TMPRSS15: variants seen among roughly 807,000 people sequenced by gnomAD.
TMPRSS15 encodes the protein enteropeptidase.
Under a neutral mutation model 125.3 loss-of-function variants are expected in TMPRSS15, and 128 were observed. The ratio of observed to expected loss-of-function variants is 1.02; its 90% CI spans 0.89 to 1.18. TMPRSS15 has a LOEUF of 1.18. Ranked by LOEUF, TMPRSS15 falls within the 50% of genes most tolerant of loss-of-function variation. The pLI, the probability that TMPRSS15 is intolerant of heterozygous loss-of-function variation, is 0.00. For synonymous variants in TMPRSS15, 446 were observed against 423.2 expected (o/e 1.05, Z -0.66); for missense variants, 1,283 against 1,212.7 (o/e 1.06, Z -0.86).
Position 18,297,792 on chromosome 21 carries a change from C to A in TMPRSS15, c.2203G>T (p.Gly735Cys). The change falls in exon 19 of 25, where the codon GGT becomes TGT. Residue 735 changes from glycine to cysteine, a missense_variant. Physicochemically the swap from Gly to Cys is radical, Grantham distance 159. Coordinates refer to ENST00000284885, the MANE Select transcript of TMPRSS15 (RefSeq NM_002772.3). ...GTGTTTAATTTGACAAATGGTCCAC[C>A]ATCGGTAGGGAAGATTGGCTTTGAT... ...NSSKPIFPTDGGPFVKLNTAP... is the reference protein window; with the variant it reads ...NSSKPIFPTDCGPFVKLNTAP... 6.2e-7 allele frequency: 1 copy of A among 1,613,680 alleles called. No individual in the cohort carries two copies. The highest frequency in any genetic ancestry group is 1.1e-5 in the South Asian group (1 of 91,080).
At chr21:18,463,120 C>T (rs190275145) in intron 1 of TMPRSS15, among the ~76,000 whole-genome samples, 248 of 151,516 alleles carry the variant, frequency 1.6e-3, no homozygotes, top group African/African-American at 5.6e-3. Flanking sequence ...AAGACACAGA[C>T]GGGCAATTTG....
rs193062550 is a variant in TMPRSS15, at chr21:18,409,961, A to T, written c.11-11632T>A. ...TTCCTTCCTTCCGTCTTTCCTTCTT[A>T]GGTATATTCACATGTCTTCCACACT... On this transcript the variant is annotated intron_variant, in intron 1 of 7. Coordinates refer to the TMPRSS15 transcript ENST00000422787. Among the ~76,000 whole-genome samples, 117 of 139,900 alleles carry T rather than the reference A, an allele frequency of 8.4e-4. 1 individual carries two copies. In the Middle Eastern group the frequency reaches 0.012, roughly 14 times the overall value. 91.8% of individuals were successfully genotyped at this position (139,900 alleles called of 152,430 possible). A position where few individuals can be genotyped will look rare whatever the true frequency, so the allele number is the denominator to read the frequency against.
chr21:18,448,524 A>T (rs1370308046), intron 1 of TMPRSS15, among the ~76,000 whole-genome samples: 1 of 152,154 alleles, frequency 6.6e-6, no homozygotes, highest in East Asian at 1.9e-4. Flanking sequence ...CACACTATAA[A>T]GATGCATACC....
intron 18 of TMPRSS15, among the ~76,000 whole-genome samples, chr21:18,298,295 C>A (rs1263827662): frequency 6.6e-6 from 1 of 152,074 alleles, no homozygotes; most frequent in Non-Finnish European, 1.5e-5. Context: ...ATGTAGATAA[C>A]AACATAGACA....
Position 18,397,908 on chromosome 21 carries a change from T to C in TMPRSS15, c.315A>G (p.Glu105=), listed in dbSNP as rs2076054667. Residue 105 remains glutamate, a synonymous_variant, in exon 3 of 25, where the codon GAA becomes GAG. Transcript: ENST00000284885. ...ATTGTAAAACTCTTGAGTTCTTATA[T>C]TCATTCTTCAGATTGCTTGATAGAA... ...EIFLSSNLKN[E]YKNSRVLQFE... 1 of 1,552,918 alleles carries C rather than the reference T, an allele frequency of 6.4e-7. No homozygotes were observed. Among genetic ancestry groups the C allele is most frequent in the East Asian group, 2.3e-5 (1 of 44,054 alleles).
chr21:18,350,100 A>T (rs963217954), intron 10 of TMPRSS15, among the ~76,000 whole-genome samples: 2 of 152,116 alleles, frequency 1.3e-5, no homozygotes, highest in African/African-American at 2.4e-5. Flanking sequence ...TAAAGAGAAA[A>T]AAAAAGATCA....
chr21:18,382,296 TA>T (rs1211337418), intron 4 of TMPRSS15, among the ~76,000 whole-genome samples: 2 of 152,156 alleles, frequency 1.3e-5, no homozygotes, highest in Non-Finnish European at 2.9e-5. Context: ...TAATAGCCAG[TA>T]GTAGTTTTCA....
intron 21 of TMPRSS15, among the ~76,000 whole-genome samples, chr21:18,286,846 C>A (rs577263549): frequency 6.6e-6 from 1 of 152,316 alleles, no homozygotes; most frequent in Non-Finnish European, 1.5e-5. Context: ...CTGCCAATCC[C>A]CTTCTGGGCA....
chr21:18,472,980 G>T (rs1978809795), intron 1 of TMPRSS15, among the ~76,000 whole-genome samples: 1 of 152,098 alleles, frequency 6.6e-6, no homozygotes, highest in Non-Finnish European at 1.5e-5. Flanking sequence ...GTTATTGTTT[G>T]TATCCAGATG....
rs1327803984 is a variant in TMPRSS15 at position 18,436,981 on chromosome 21, G to A, written c.11-38652C>T. ...CAGAATTGGAAAAAACTACTTTAAAGTTCATATGGAACCAAAAAAGAGCCC... is the reference window on the plus strand; with the variant it reads ...CAGAATTGGAAAAAACTACTTTAAAATTCATATGGAACCAAAAAAGAGCCC... On this transcript the variant is annotated intron_variant, in intron 1 of 7. Coordinates refer to the TMPRSS15 transcript ENST00000422787. Among the ~76,000 whole-genome samples the A allele has an allele frequency of 7.2e-5, 10 of 139,436 alleles. 2 individuals carry two copies. Among genetic ancestry groups the A allele is most frequent in the African/African-American group, 2.7e-4 (10 of 37,188 alleles). The allele number at this position is 139,436 out of a possible 152,430, so 91.5% of individuals were successfully genotyped here.
chr21:18,309,545 TAACAAATTTACAAGAAAAAAACA>T (rs1156843285), intron 18 of TMPRSS15, among the ~76,000 whole-genome samples: 8 of 151,490 alleles, frequency 5.3e-5, no homozygotes, highest in South Asian at 2.1e-4. Context: ...TACAAAGAAG[TAACAAATTTACAAGAAAAAAACA>T]AACAAATTTA....
rs1004584054 is a variant in TMPRSS15 at position 18,483,536 on chromosome 21, C to A, written c.10+2263G>T. Among the ~76,000 whole-genome samples, 3 of 151,852 alleles carry A rather than the reference C, an allele frequency of 2.0e-5. No individual in the cohort carries two copies. The South Asian group carries it at 6.2e-4, about 32-fold the overall frequency. ...TTACATAGCGTAACATTTTTATTGG[C>A]AAACCTGTAAAATTCCTTTAGAAAA... On this transcript the variant is annotated intron_variant, in intron 1 of 7. Transcript: ENST00000422787.
chr21:18,305,627 A>G (rs904288292), intron 18 of TMPRSS15, among the ~76,000 whole-genome samples: 1 of 152,192 alleles, frequency 6.6e-6, no homozygotes, highest in Non-Finnish European at 1.5e-5. Flanking sequence ...TCTTATGTAT[A>G]ACCAGGCTGT....
At chr21:18,312,824 T>C in intron 18 of TMPRSS15, 121 bp downstream of exon 18, 1 of 1,292,242 alleles carries the variant, frequency 7.7e-7, no homozygotes, top group Middle Eastern at 2.4e-4. Flanking sequence ...TTCTCCCTTT[T>C]GCTAATGTGT....
chr21:18,478,675 G>A (rs1446366969), intron 1 of TMPRSS15, among the ~76,000 whole-genome samples: 1 of 151,860 alleles, frequency 6.6e-6, no homozygotes, highest in Non-Finnish European at 1.5e-5. Context: ...GTCTTCGCTT[G>A]TTTCCTTGTC....
At chr21:18,372,623 T>C (rs1438368695) in intron 5 of TMPRSS15, among the ~76,000 whole-genome samples, 2 of 152,266 alleles carry the variant, frequency 1.3e-5, no homozygotes, top group Non-Finnish European at 2.9e-5. Context: ...GTTTCCATTC[T>C]GTAGAGTACA....
chr21:18,416,369 A>G (rs527272026), intron 1 of TMPRSS15, among the ~76,000 whole-genome samples: 17 of 152,196 alleles, frequency 1.1e-4, no homozygotes, highest in African/African-American at 4.1e-4. Flanking sequence ...AAAGCTGGAG[A>G]CATCACACTT....
At chr21:18,286,811 T>C (rs1259889862) in intron 21 of TMPRSS15, among the ~76,000 whole-genome samples, 1 of 152,186 alleles carries the variant, frequency 6.6e-6, no homozygotes, top group Non-Finnish European at 1.5e-5. Flanking sequence ...GCTCGATCCA[T>C]AGTTCCAGTC....
chr21:18,434,280 A>G (rs1221903865), intron 1 of TMPRSS15, among the ~76,000 whole-genome samples: 1 of 152,208 alleles, frequency 6.6e-6, no homozygotes, highest in Non-Finnish European at 1.5e-5. Context: ...ACAGAGATAC[A>G]TGCACATATA....
Sources: allele counts gnomAD v4.1 joint callset (sites outside exome capture counted in the v4.1 genomes callset), GRCh38; gene constraint gnomAD v4.1.1; transcripts MANE v1.5; gene names NCBI Gene and HGNC (gene_info 2026-07-23, HGNC 2026-07-21).